Variants in CCDC181 observed in about 807,000 individuals in gnomAD.
The protein encoded by CCDC181 is coiled-coil domain containing 181, also known as coiled-coil domain-containing protein 181.
Under a neutral mutation model 58.7 loss-of-function variants are expected in CCDC181, and 35 were observed. The ratio of observed to expected loss-of-function variants is 0.60; its 90% CI spans 0.46 to 0.79. The LOEUF is 0.79. Ranked by LOEUF, CCDC181 falls within the 30% of genes least tolerant of loss-of-function variation. The pLI, the probability that CCDC181 is intolerant of heterozygous loss-of-function variation, is 0.00. For missense variants in CCDC181, 517 were observed against 583.9 expected (o/e 0.89, Z 1.18); for synonymous variants, 183 against 197.5 (o/e 0.93, Z 0.62).
chr1:169,455,017 A>G (rs925558895), intron 2 of CCDC181, among the ~76,000 whole-genome samples: 1 of 151,988 alleles, frequency 6.6e-6, no homozygotes, highest in African/African-American at 2.4e-5. Flanking sequence ...GTATGCAATT[A>G]TATTCATTTG....
At chr1:169,436,427 T>C (rs1440671452) in intron 2 of CCDC181, among the ~76,000 whole-genome samples, 2 of 152,180 alleles carry the variant, frequency 1.3e-5, no homozygotes, top group Non-Finnish European at 2.9e-5. Flanking sequence ...TTTTGTTTTT[T>C]AGCAGTCTGG....
chr1:169,405,133 C>T (rs1655578349), intron 4 of CCDC181, among the ~76,000 whole-genome samples: 1 of 152,160 alleles, frequency 6.6e-6, no homozygotes, highest in South Asian at 2.1e-4. Flanking sequence ...AGGAGAACTA[C>T]AAACCACTGC....
Position 169,419,077 on chromosome 1 carries a change from C to T in CCDC181, c.1151G>A (p.Arg384Lys). The change falls in exon 4 of 6, where the codon AGA becomes AAA. Residue 384 changes from arginine to lysine, a missense_variant. By Grantham distance (26) the Arg-to-Lys change is conservative. Coordinates refer to ENST00000367806, the MANE Select transcript of CCDC181 (RefSeq NM_001300969.2). ...IVFKAWLQKK[R>K]EQVLEMRRIQ... The stretch of plus-strand genomic sequence containing the variant: ...TCTCCTCATTTCTAAGACCTGCTCT[C>T]TTTTCTTTTGCAACCACGCTTTAAA... 6.2e-7 allele frequency: 1 copy of T among 1,613,762 alleles called. No individual in the cohort carries two copies. The highest frequency in any genetic ancestry group is 8.5e-7 in the Non-Finnish European group (1 of 1,179,944).
intron 4 of CCDC181, among the ~76,000 whole-genome samples, chr1:169,400,895 C>A (rs541232709): frequency 6.6e-6 from 1 of 152,306 alleles, no homozygotes; most frequent in African/African-American, 2.4e-5. Flanking sequence ...ATTCCCTTTC[C>A]TAGCCAAGGG....
At chr1:169,436,752 T>G (rs1657064949) in intron 2 of CCDC181, among the ~76,000 whole-genome samples, 1 of 152,198 alleles carries the variant, frequency 6.6e-6, no homozygotes, top group Admixed American at 6.5e-5. Context: ...CACTATTAGT[T>G]TTCAATAATT....
intron 4 of CCDC181, among the ~76,000 whole-genome samples, chr1:169,399,788 A>G (rs907271734): frequency 6.6e-6 from 1 of 152,196 alleles, no homozygotes; most frequent in African/African-American, 2.4e-5. Context: ...TGAGAGTAAG[A>G]AAAAACATGA....
intron 2 of CCDC181, among the ~76,000 whole-genome samples, chr1:169,456,577 T>C (rs1325418569): frequency 6.6e-6 from 1 of 152,106 alleles, no homozygotes; most frequent in Non-Finnish European, 1.5e-5. Flanking sequence ...TAATGAGTTA[T>C]CATGGGAGGG....
rs181263980 is a variant in CCDC181, at chr1:169,437,845, G to T, written c.-23-12895C>A. ...TAAATACTGAGTACTAGGGTAAGTA[G>T]TGCAATGCCCAGTTTTAAAAGTAAA... On this transcript the variant is annotated intron_variant, in intron 2 of 6. Transcript: ENST00000545005. Among the ~76,000 whole-genome samples the T allele has an allele frequency of 2.6e-5, 4 of 152,314 alleles. No individual in the cohort carries two copies. In the East Asian group the frequency reaches 5.8e-4, roughly 22 times the overall value.
intron 2 of CCDC181, among the ~76,000 whole-genome samples, chr1:169,434,881 C>G: frequency 6.6e-6 from 1 of 151,936 alleles, no homozygotes; most frequent in South Asian, 2.1e-4. Flanking sequence ...TATAAAGTGC[C>G]CAGAACAGTC....
chr1:169,408,192 A>G (rs1261953201), intron 4 of CCDC181, among the ~76,000 whole-genome samples: 1 of 152,200 alleles, frequency 6.6e-6, no homozygotes, highest in Non-Finnish European at 1.5e-5. Flanking sequence ...CTGCCAGCAC[A>G]GCAGTCTGAA....
chr1:169,448,526 A>G (rs980422111), intron 2 of CCDC181, among the ~76,000 whole-genome samples: 2 of 151,140 alleles, frequency 1.3e-5, no homozygotes, highest in Non-Finnish European at 3.0e-5. Context: ...TCTTTTTTGT[A>G]TGGTTTCTGA....
intron 4 of CCDC181, among the ~76,000 whole-genome samples, chr1:169,406,864 C>A (rs1175889278): frequency 6.6e-6 from 1 of 151,476 alleles, no homozygotes; most frequent in East Asian, 1.9e-4. Context: ...CCTAAATTCC[C>A]TGAATGGGCT....
intron 2 of CCDC181, among the ~76,000 whole-genome samples, chr1:169,423,424 T>C (rs1656574033): frequency 1.2e-5 from 1 of 84,128 alleles, no homozygotes; most frequent in Admixed American, 1.4e-4. Flanking sequence ...GAACTCTCCT[T>C]TAGCTTTTCT....
intron 1 of CCDC181, 109 bp from the exon 2 acceptor site, chr1:169,425,059 A>C: frequency 2.1e-6 from 1 of 486,460 alleles, no homozygotes; most frequent in South Asian, 3.8e-5. Flanking sequence ...AACACAAAAT[A>C]GAATGTTCAA....
chr1:169,450,473 G>A (rs867120017), intron 2 of CCDC181, among the ~76,000 whole-genome samples: 1 of 152,072 alleles, frequency 6.6e-6, no homozygotes, highest in African/African-American at 2.4e-5. Flanking sequence ...CCACGTTATG[G>A]TATGTATCAG....
At chr1:169,432,120 T>C (rs766463537), upstream of CCDC181, among the ~76,000 whole-genome samples, 1 of 151,884 alleles carries the variant, frequency 6.6e-6, no homozygotes, top group Non-Finnish European at 1.5e-5. Flanking sequence ...GAAAATAATA[T>C]ATAAACAAAA....
rs74762260 is a variant in CCDC181 at position 169,440,614 on chromosome 1, G to A, written c.-23-15664C>T. 2.6e-5 allele frequency among the ~76,000 whole-genome samples: 4 copies of A among 152,172 alleles called. No homozygotes were observed. The East Asian group carries it at 7.7e-4, about 29-fold the overall frequency. On this transcript the variant is annotated intron_variant, in intron 2 of 6. Transcript: ENST00000545005. ...GATCTTTAGGTAATTCAGAATTGCTGGCTCAAAACATGCAAGATGGGGCCA... is the reference window on the plus strand; with the variant it reads ...GATCTTTAGGTAATTCAGAATTGCTAGCTCAAAACATGCAAGATGGGGCCA...
chr1:169,421,984 C>G lies in CCDC181; in HGVS notation c.447G>C (p.Glu149Asp). ...QNQEPVNDKRERKLKFKDQLV... is the reference protein window; with the variant it reads ...QNQEPVNDKRDRKLKFKDQLV... ...ACTGGTCCTTGAACTTAAGTTTTCGCTCCCTTTTATCATTCACCGGTTCTT... is the reference window on the plus strand; with the variant it reads ...ACTGGTCCTTGAACTTAAGTTTTCGGTCCCTTTTATCATTCACCGGTTCTT... Residue 149 changes from glutamate to aspartate, a missense_variant, in exon 3 of 6, where the codon GAG becomes GAC. Physicochemically the swap from Glu to Asp is conservative, Grantham distance 45. Transcript: ENST00000367806. 3.1e-6 allele frequency: 5 copies of G among 1,614,028 alleles called. No homozygotes were observed. The highest frequency in any genetic ancestry group is 4.2e-6 in the Non-Finnish European group (5 of 1,179,990).
intron 2 of CCDC181, among the ~76,000 whole-genome samples, chr1:169,449,977 T>G (rs1170907219): frequency 6.6e-6 from 1 of 152,200 alleles, no homozygotes; most frequent in Non-Finnish European, 1.5e-5. Context: ...AGAGTCTGTG[T>G]TTTTCAGCTC....
Sources: allele counts gnomAD v4.1 joint callset (sites outside exome capture counted in the v4.1 genomes callset), GRCh38; gene constraint gnomAD v4.1.1; transcripts MANE v1.5; gene names NCBI Gene and HGNC (gene_info 2026-07-23, HGNC 2026-07-21).